PPAT: variants seen among roughly 807,000 people sequenced by gnomAD.
The protein encoded by PPAT is phosphoribosyl pyrophosphate amidotransferase, also known as amidophosphoribosyltransferase.
A neutral mutation model predicts 60.2 loss-of-function variants in PPAT; 20 were observed. The observed-to-expected ratio is 0.33, with a 90% CI of 0.23 to 0.48. PPAT has a LOEUF of 0.48. Among genes scored for constraint, PPAT ranks in the 20% least tolerant of loss-of-function variants. The pLI is 0.99. For synonymous variants in PPAT, 194 were observed against 215.1 expected (o/e 0.90, Z 0.86); for missense variants, 349 against 629.6 (o/e 0.55, Z 4.77).
intron 9 of PPAT, among the ~76,000 whole-genome samples, chr4:56,398,812 T>A (rs2110037196): frequency 6.6e-6 from 1 of 152,054 alleles, no homozygotes; most frequent in South Asian, 2.1e-4. Context: ...AAAATTTAAT[T>A]TTATTATTAT....
chr4:56,421,854 T>C (rs1717054447), intron 1 of PPAT: 1 of 152,164 alleles, frequency 6.6e-6, no homozygotes, highest in Non-Finnish European at 1.5e-5. Flanking sequence ...AAGACTTAGT[T>C]AGAGACTCAG....
chr4:56,419,713 C>A, intron 1 of PPAT: 1 of 980,316 alleles, frequency 1.0e-6, no homozygotes, highest in Non-Finnish European at 1.2e-6. Context: ...GAAGTCAGGG[C>A]TCTAATAGAC....
chr4:56,396,598 T>C lies in PPAT; in HGVS notation c.1357+21A>G. On this transcript the variant is annotated intron_variant, in intron 10 of 10. Coordinates refer to ENST00000264220, the MANE Select transcript of PPAT (RefSeq NM_002703.5). The surrounding 1 kb of genome is among the most constrained non-coding windows in gnomAD (Gnocchi z 4.6). ...ATTTTCTCTGTTAATAATCAAAGTT[T>C]ATAGAAATTTTAATACTTACCTAGA... 1 of 1,584,804 alleles carries C rather than the reference T, an allele frequency of 6.3e-7. No individual in the cohort carries two copies. The highest frequency in any genetic ancestry group is 8.6e-7 in the Non-Finnish European group (1 of 1,159,344).
chr4:56,413,127 G>A (rs1683467140), intron 1 of PPAT, among the ~76,000 whole-genome samples: 1 of 148,336 alleles, frequency 6.7e-6, no homozygotes, highest in African/African-American at 2.5e-5. Flanking sequence ...GTTTTTTGTT[G>A]TTGTTGTTTT....
At chr4:56,434,830 T>A (rs963422662) in intron 1 of PPAT, among the ~76,000 whole-genome samples, 1 of 152,238 alleles carries the variant, frequency 6.6e-6, no homozygotes. Flanking sequence ...CAAGTTCCCA[T>A]AGCGATAACT....
chr4:56,408,382 C>G (rs1413319260), intron 1 of PPAT: 1 of 143,892 alleles, frequency 6.9e-6, no homozygotes, highest in Non-Finnish European at 1.5e-5. Context: ...TGCAGTGAAC[C>G]AAGATCGCAC....
chr4:56,398,214 C>A (rs572025038), intron 9 of PPAT, among the ~76,000 whole-genome samples: 1 of 151,962 alleles, frequency 6.6e-6, no homozygotes, highest in Non-Finnish European at 1.5e-5. Flanking sequence ...GCTAAAAATA[C>A]AAAAATTAGC....
At chr4:56,404,049 T>C in intron 3 of PPAT, 2 of 450,818 alleles carry the variant, frequency 4.4e-6, no homozygotes, top group South Asian at 3.2e-5. Flanking sequence ...AGCACAGGGG[T>C]TGGGGACTCC....
intron 1 of PPAT, chr4:56,408,041 T>A: frequency 4.2e-5 from 9 of 216,164 alleles, no homozygotes; most frequent in Non-Finnish European, 7.5e-5. Context: ...GAGATATGAC[T>A]GTGATCCAAG....
intron 10 of PPAT, 35 bp from the exon 11 acceptor site, chr4:56,395,583 A>T: frequency 1.4e-6 from 2 of 1,440,952 alleles, no homozygotes; most frequent in East Asian, 2.6e-5. Flanking sequence ...ATGTAATAAG[A>T]ATTCCTTTAG....
intron 1 of PPAT, chr4:56,410,678 G>GTATC (rs1716406456): frequency 3.3e-5 from 33 of 986,418 alleles, no homozygotes; most frequent in Non-Finnish European, 3.9e-5. Flanking sequence ...AGTATACAGA[G>GTATC]ACTGGAAACA....
chr4:56,427,078 T>C (rs1288589191), intron 1 of PPAT, among the ~76,000 whole-genome samples: 1 of 152,252 alleles, frequency 6.6e-6, no homozygotes, highest in Non-Finnish European at 1.5e-5. Context: ...CAGAATTTCC[T>C]TCATTTTAAT....
At position 56,394,482 on chromosome 4, in the gene PPAT, T is replaced by A. The variant is rs1268706588; in HGVS notation, c.*870A>T. 1.3e-5 allele frequency: 2 copies of A among 152,126 alleles called. No individual in the cohort carries two copies. The highest frequency in any genetic ancestry group is 6.6e-5 in the Admixed American group (1 of 15,266). The allele number at this position is 152,126 out of a possible 1,614,324, so 9.4% of individuals were successfully genotyped here. ...GGATTGTTTGAATCTAAAAATTTGG[T>A]TTTTATTTCAAATGTACCAGGTTAC... is the stretch of plus-strand genomic sequence containing the variant. On this transcript the variant is annotated 3_prime_UTR_variant, in exon 11 of 11. Coordinates refer to ENST00000264220, the MANE Select transcript of PPAT (RefSeq NM_002703.5).
intron 1 of PPAT, among the ~76,000 whole-genome samples, chr4:56,413,578 G>A (rs1051389436): frequency 3.3e-5 from 5 of 152,180 alleles, no homozygotes; most frequent in African/African-American, 4.8e-5. Context: ...ATGGGAAGAA[G>A]GGACTTTCCA....
chr4:56,398,404 G>A (rs367710219), intron 9 of PPAT, among the ~76,000 whole-genome samples: 2 of 152,020 alleles, frequency 1.3e-5, no homozygotes, highest in Non-Finnish European at 2.9e-5. Context: ...TAAGTCAAAG[G>A]TATTACACTG....
At chr4:56,432,787 CAA>C (rs5858378) in intron 1 of PPAT, among the ~76,000 whole-genome samples, 29 of 82,412 alleles carry the variant, frequency 3.5e-4, no homozygotes, top group Middle Eastern at 8.3e-3. Context: ...GACTCTGTCT[CAA>C]AAAAAAAAAA....
intron 1 of PPAT, chr4:56,410,875 T>C: frequency 1.4e-5 from 12 of 830,358 alleles, no homozygotes; most frequent in Non-Finnish European, 1.7e-5. Context: ...TCAGCCCAAG[T>C]ACAGCCCCAG....
At chr4:56,424,975 G>A (rs1560648964) in intron 1 of PPAT, among the ~76,000 whole-genome samples, 2 of 152,172 alleles carry the variant, frequency 1.3e-5, no homozygotes, top group African/African-American at 4.8e-5. Context: ...CCTATTAGAG[G>A]AGGTCACGCT....
At position 56,403,195 on chromosome 4, in the gene PPAT, AT is replaced by A. The variant is rs201984602; in HGVS notation, c.516-11del. 4.4e-6 allele frequency: 7 copies of A among 1,583,644 alleles called. No homozygotes were observed. Among genetic ancestry groups the A allele is most frequent in the Non-Finnish European group, 6.0e-6 (7 of 1,161,600 alleles). Reference sequence around the variant, plus strand: ...CATCAAGTTTTTAATCCTGGAATTAATTAAATAATTGAATGAATAACTTCAG... The same window carrying A: ...CATCAAGTTTTTAATCCTGGAATTAATAAATAATTGAATGAATAACTTCAG... On this transcript the variant is annotated splice_polypyrimidine_tract_variant and intron_variant, in intron 4 of 10. Transcript: ENST00000264220.
Sources: gnomAD v4.1 joint callset for allele counts (sites outside exome capture counted in the v4.1 genomes callset) on GRCh38, gnomAD v4.1.1 for gene constraint, Gnocchi (gnomAD v3.1) non-coding constraint, MANE v1.5 for transcripts, NCBI Gene and HGNC (gene_info 2026-07-23, HGNC 2026-07-21) for gene names.